ARHGAP22: variants seen among roughly 807,000 people sequenced by gnomAD.
The protein encoded by ARHGAP22 is rho GTPase-activating protein 22.
In ARHGAP22, 48 loss-of-function variants were observed where a neutral mutation model predicts 59.1. The observed-to-expected ratio is 0.81, with a 90% CI of 0.64 to 1.03. The LOEUF is 1.03. ARHGAP22 is among the 50% of genes least tolerant of loss of function. ARHGAP22 has a pLI of 0.00. For missense variants in ARHGAP22, 1,015 were observed against 958.7 expected (o/e 1.06, Z -0.78); for synonymous variants, 445 against 416.4 (o/e 1.07, Z -0.84).
chr10:48,641,634 TATC>T (rs1230036819), intron 1 of ARHGAP22, among the ~76,000 whole-genome samples: 51 of 152,264 alleles, frequency 3.3e-4, no homozygotes, highest in African/African-American at 9.9e-4. Context: ...CCACAGCCAA[TATC>T]ATACTGAATG....
intron 4 of ARHGAP22, among the ~76,000 whole-genome samples, chr10:48,479,366 C>T (rs2049049755): frequency 6.6e-6 from 1 of 152,140 alleles, no homozygotes; most frequent in Non-Finnish European, 1.5e-5. Context: ...GAGGTGTGGC[C>T]TATCCTCATG....
At chr10:48,551,684 C>T (rs898300253) in intron 3 of ARHGAP22, among the ~76,000 whole-genome samples, 2 of 152,240 alleles carry the variant, frequency 1.3e-5, no homozygotes, top group Non-Finnish European at 2.9e-5. Flanking sequence ...TGGCAGGCCA[C>T]AGCCACAAGA....
intron 3 of ARHGAP22, among the ~76,000 whole-genome samples, chr10:48,525,675 C>T (rs759035803): frequency 5.3e-5 from 8 of 152,166 alleles, no homozygotes; most frequent in East Asian, 3.9e-4. Flanking sequence ...TTGAGATTTA[C>T]GGATTCATGG....
At chr10:48,514,821 C>T (rs2053132813) in intron 3 of ARHGAP22, among the ~76,000 whole-genome samples, 1 of 152,066 alleles carries the variant, frequency 6.6e-6, no homozygotes, top group South Asian at 2.1e-4. Context: ...GCAGGGAGAA[C>T]AAAGTTATAT....
At chr10:48,466,409 G>A (rs962584023) in intron 4 of ARHGAP22, among the ~76,000 whole-genome samples, 1 of 151,900 alleles carries the variant, frequency 6.6e-6, no homozygotes, top group Non-Finnish European at 1.5e-5. Flanking sequence ...CGCAGCACCA[G>A]ATCCGCGGTG....
At chr10:48,475,926 C>T (rs1380550546) in intron 4 of ARHGAP22, among the ~76,000 whole-genome samples, 1 of 152,228 alleles carries the variant, frequency 6.6e-6, no homozygotes, top group Admixed American at 6.5e-5. Flanking sequence ...ACACTGGCCT[C>T]CTTGCTGTTC....
intron 5 of ARHGAP22, among the ~76,000 whole-genome samples, chr10:48,458,454 G>A (rs975871323): frequency 6.6e-6 from 1 of 152,136 alleles, no homozygotes; most frequent in Non-Finnish European, 1.5e-5. Flanking sequence ...GACCCCCCCA[G>A]CAGGATGGGA....
At chr10:48,650,504 C>T (rs2062516540) in intron 1 of ARHGAP22, among the ~76,000 whole-genome samples, 1 of 152,162 alleles carries the variant, frequency 6.6e-6, no homozygotes, top group Non-Finnish European at 1.5e-5. Flanking sequence ...GGTTGCACAA[C>T]ATCATGAATG....
At chr10:48,655,270 G>A (rs901764471), upstream of ARHGAP22, among the ~76,000 whole-genome samples, 32 of 140,218 alleles carry the variant, frequency 2.3e-4, no homozygotes, top group Admixed American at 1.3e-3. Flanking sequence ...GGGGGGGGGG[G>A]GCGGGGGACG....
At chr10:48,615,601 A>T (rs1481575515) in intron 1 of ARHGAP22, among the ~76,000 whole-genome samples, 1 of 152,218 alleles carries the variant, frequency 6.6e-6, no homozygotes, top group South Asian at 2.1e-4. Flanking sequence ...TACACAAAGT[A>T]TGGCTTATTT....
chr10:48,553,288 G>A lies in ARHGAP22; in HGVS notation c.322+2175C>T, dbSNP rs945019733. ...TGCACAAAGGCTGGAGGGCAGAGAT[G>A]GGCAGCTCTGGGGAGCAGCTCGCAG... On this transcript the variant is annotated intron_variant, in intron 3 of 9. Transcript: ENST00000249601. Among the ~76,000 whole-genome samples, 7 of 152,272 alleles carry A rather than the reference G, an allele frequency of 4.6e-5. No individual in the cohort carries two copies. The South Asian group carries it at 1.4e-3, about 31-fold the overall frequency.
chr10:48,451,666 A>T, intron 8 of ARHGAP22: 2 of 620,400 alleles, frequency 3.2e-6, no homozygotes. Flanking sequence ...ACCCCCTAAA[A>T]TACCCCCCAC....
chr10:48,447,783 G>T (rs769498960), intron 9 of ARHGAP22, among the ~76,000 whole-genome samples: 2 of 152,156 alleles, frequency 1.3e-5, no homozygotes. Flanking sequence ...CCGCAGCCCT[G>T]GTGCACTCTT....
upstream of ARHGAP22, among the ~76,000 whole-genome samples, chr10:48,655,008 C>CTCTTTCTTTCTTTCTTTCTTTCTT (rs369212947): frequency 9.6e-3 from 735 of 76,506 alleles, 147 homozygotes; most frequent in Non-Finnish European, 0.014. Flanking sequence ...CTCTTTCTTT[C>CTCTTTCTTTCTTTCTTTCTTTCTT]TCTTTCTTTC....
At chr10:48,582,326 G>A (rs938891090) in intron 2 of ARHGAP22, among the ~76,000 whole-genome samples, 7 of 152,202 alleles carry the variant, frequency 4.6e-5, no homozygotes, top group Non-Finnish European at 8.8e-5. Context: ...TTGCCCAAGT[G>A]CTTCTGGCCC....
intron 9 of ARHGAP22, among the ~76,000 whole-genome samples, chr10:48,447,099 C>G (rs991966608): frequency 6.6e-6 from 1 of 152,200 alleles, no homozygotes; most frequent in Non-Finnish European, 1.5e-5. Context: ...GTAGTCACTT[C>G]CCTTCCTGCT....
upstream of ARHGAP22, chr10:48,605,174 A>T: frequency 8.9e-7 from 1 of 1,129,294 alleles, no homozygotes; most frequent in Non-Finnish European, 1.1e-6. Flanking sequence ...GGGGCCAGCC[A>T]GAGACGCGGG....
At chr10:48,547,307 C>A (rs2056528273) in intron 3 of ARHGAP22, among the ~76,000 whole-genome samples, 1 of 152,238 alleles carries the variant, frequency 6.6e-6, no homozygotes, top group Admixed American at 6.5e-5. Flanking sequence ...TTGCTACTAC[C>A]ATGGTCTCTG....
intron 1 of ARHGAP22, among the ~76,000 whole-genome samples, chr10:48,612,042 T>G (rs1477371058): frequency 1.3e-5 from 2 of 151,552 alleles, no homozygotes; most frequent in African/African-American, 4.9e-5. Flanking sequence ...AGGCTGGTCT[T>G]GAACTCCTGA....
Sources: allele counts gnomAD v4.1 joint callset (sites outside exome capture counted in the v4.1 genomes callset), GRCh38; gene constraint gnomAD v4.1.1; transcripts MANE v1.5; gene names NCBI Gene and HGNC (gene_info 2026-07-23, HGNC 2026-07-21).